The following SLC6A3 variants were observed in gnomAD, a reference collection of about 807,000 sequenced individuals.
The protein encoded by SLC6A3 is sodium-dependent dopamine transporter.
A neutral mutation model predicts 70.4 loss-of-function variants in SLC6A3; 19 were observed. That is an observed-to-expected ratio of 0.27 (90% CI 0.19 to 0.40). The LOEUF (loss-of-function observed/expected upper bound fraction) is 0.40. Ranked by LOEUF, SLC6A3 falls within the 10% of genes least tolerant of loss-of-function variation. The pLI is 1.00. For missense variants in SLC6A3, 613 were observed against 838.5 expected (o/e 0.73, Z 3.32); for synonymous variants, 368 against 356.6 (o/e 1.03, Z -0.36).
chr5:1,405,856 C>T lies in SLC6A3; in HGVS notation c.1599+332G>A, dbSNP rs1755966048. Among the ~76,000 whole-genome samples, 1 of 152,148 alleles carries T rather than the reference C, an allele frequency of 6.6e-6. No individual in the cohort carries two copies. Among genetic ancestry groups the T allele is most frequent in the Non-Finnish European group, 1.5e-5 (1 of 68,032 alleles). ...CGGAAGCTCTAACTTCGACCTTGAT[C>T]CTCACAGGCAGAGGTGAGTGGACAG... is the stretch of plus-strand genomic sequence containing the variant. On this transcript the variant is annotated intron_variant, in intron 12 of 14. Coordinates refer to ENST00000270349, the MANE Select transcript of SLC6A3 (RefSeq NM_001044.5). This position sits in a 1 kb window ranked among gnomAD's most constrained non-coding sequence, Gnocchi z 5.3.
rs755950041 is a variant in SLC6A3, at chr5:1,406,694, C to T, written c.1499-406G>A. Among the ~76,000 whole-genome samples, 3 of 149,804 alleles carry T rather than the reference C, an allele frequency of 2.0e-5. No homozygotes were observed. The highest frequency in any genetic ancestry group is 3.0e-5 in the Non-Finnish European group (2 of 66,328). On this transcript the variant is annotated intron_variant, in intron 11 of 14. Transcript: ENST00000270349. This position sits in a 1 kb window ranked among gnomAD's most constrained non-coding sequence, Gnocchi z 8.8. The stretch of plus-strand genomic sequence containing the variant: ...TTTAGCCATTTTTACGTGTAGAGTT[C>T]ATAATGTATCAATACATTCACATAC...
Position 1,404,195 on chromosome 5 carries a change from T to C in SLC6A3, c.1600-1106A>G, listed in dbSNP as rs1755916475. On this transcript the variant is annotated intron_variant, in intron 12 of 14. Coordinates refer to ENST00000270349, the MANE Select transcript of SLC6A3 (RefSeq NM_001044.5). The surrounding 1 kb of genome is among the most constrained non-coding windows in gnomAD (Gnocchi z 5.2). The stretch of plus-strand genomic sequence containing the variant: ...TTCATGCGCTACTTCGGGCCACTTG[T>C]AGGTTTGGAGCCGGCTAGCGGAGGA... Among the ~76,000 whole-genome samples, 1 of 152,178 alleles carries C rather than the reference T, an allele frequency of 6.6e-6. No individual in the cohort carries two copies. The highest frequency in any genetic ancestry group is 2.4e-5 in the African/African-American group (1 of 41,440).
In SLC6A3 at chr5:1,441,432, G is replaced by A. The variant is rs776700044; in HGVS notation, c.345C>T (p.Tyr115=). ...TGAACTGGCCGAGGGCCAGCTCCAT[G>A]TAGAAAAGTGGCATCCCAGCAATGA... is the stretch of plus-strand genomic sequence containing the variant. ...FMVIAGMPLF[Y]MELALGQFNR... Residue 115 remains tyrosine (Y), a synonymous_variant, in exon 3 of 15, where the codon TAC becomes TAT. Transcript: ENST00000270349. 2.5e-6 allele frequency: 4 copies of A among 1,614,128 alleles called. No homozygotes were observed. The East Asian group carries it at 8.9e-5, about 36-fold the overall frequency.
chr5:1,396,189 C>T lies in SLC6A3; in HGVS notation c.1840-1431G>A, dbSNP rs773140631. On this transcript the variant is annotated intron_variant, in intron 14 of 14. Transcript: ENST00000270349. This position sits in a 1 kb window ranked among gnomAD's most constrained non-coding sequence, Gnocchi z 7.0. Reference sequence around the variant, plus strand: ...GCAGTGGAATGCGGAGCGTCCATAGCTGAGCTGTGGTTTGTTCACGTGACG... The same window carrying T: ...GCAGTGGAATGCGGAGCGTCCATAGTTGAGCTGTGGTTTGTTCACGTGACG... 1.3e-5 allele frequency among the ~76,000 whole-genome samples: 2 copies of T among 152,236 alleles called. No homozygotes were observed. Among genetic ancestry groups the T allele is most frequent in the Admixed American group, 1.3e-4 (2 of 15,290 alleles).
At chr5:1,407,997 C>T (rs1042330562) in intron 11 of SLC6A3, among the ~76,000 whole-genome samples, 3 of 136,790 alleles carry the variant, frequency 2.2e-5, no homozygotes, top group African/African-American at 9.4e-5. Flanking sequence ...GCCGGATCCA[C>T]ACATTTTTTT....
Position 1,393,631 on chromosome 5 carries a change from T to C in SLC6A3, c.*1104A>G, listed in dbSNP as rs1233683161. 2.1e-5 allele frequency: 3 copies of C among 145,204 alleles called. No individual in the cohort carries two copies. The highest frequency in any genetic ancestry group is 3.1e-5 in the Non-Finnish European group (2 of 65,482). 9.0% of individuals were successfully genotyped at this position (145,204 alleles called of 1,614,324 possible). A position where few individuals can be genotyped will look rare whatever the true frequency, so the allele number is the denominator to read the frequency against. ...GTAGTACACGCTCCTGTGGGGGCCC[T>C]GCATGCATCCTGGGGTAGTACACGC... On this transcript the variant is annotated 3_prime_UTR_variant, in exon 15 of 15. Transcript: ENST00000270349.
In SLC6A3 at chr5:1,411,536, G is replaced by A. The variant is rs977902551; in HGVS notation, c.1157-181C>T. On this transcript the variant is annotated intron_variant, in intron 8 of 14. Coordinates refer to ENST00000270349, the MANE Select transcript of SLC6A3 (RefSeq NM_001044.5). The surrounding 1 kb of genome is among the most constrained non-coding windows in gnomAD (Gnocchi z 6.5). Reference sequence around the variant, plus strand: ...GACCAGGCCTGGGACTCAGGAAAGCGGAAACCCAGAACTGATCAGAGGGCT... The same window carrying A: ...GACCAGGCCTGGGACTCAGGAAAGCAGAAACCCAGAACTGATCAGAGGGCT... Among the ~76,000 whole-genome samples the A allele has an allele frequency of 2.6e-5, 4 of 152,178 alleles. No individual in the cohort carries two copies. Among genetic ancestry groups the A allele is most frequent in the African/African-American group, 9.7e-5 (4 of 41,430 alleles).
intron 6 of SLC6A3, among the ~76,000 whole-genome samples, chr5:1,416,734 G>GGACT (rs1756304000): frequency 6.7e-6 from 1 of 148,858 alleles, no homozygotes; most frequent in African/African-American, 2.5e-5. Flanking sequence ...GGAACAGCAC[G>GGACT]GACTCATCCA....
At chr5:1,444,152 G>C (rs1410418024) in intron 1 of SLC6A3, among the ~76,000 whole-genome samples, 1 of 152,228 alleles carries the variant, frequency 6.6e-6, no homozygotes. Context: ...CCCCGCGTGA[G>C]AGAGCTGGGC....
intron 4 of SLC6A3, among the ~76,000 whole-genome samples, chr5:1,424,978 G>C (rs916601870): frequency 6.6e-6 from 1 of 152,240 alleles, no homozygotes; most frequent in Non-Finnish European, 1.5e-5. Context: ...ATGCTTCTGA[G>C]GGCAGGGCAG....
At position 1,413,844 on chromosome 5, in the gene SLC6A3, C is replaced by T. The variant is rs1050487582; in HGVS notation, c.1156+847G>A. On this transcript the variant is annotated intron_variant, in intron 8 of 14. Coordinates refer to ENST00000270349, the MANE Select transcript of SLC6A3 (RefSeq NM_001044.5). This position sits in a 1 kb window ranked among gnomAD's most constrained non-coding sequence, Gnocchi z 7.1. ...AGCTTTCCACTGCAAGCACCGGAGCCAGGCACGTGGCCCCAAGTGCCTGGG... is the reference window on the plus strand; with the variant it reads ...AGCTTTCCACTGCAAGCACCGGAGCTAGGCACGTGGCCCCAAGTGCCTGGG... Among the ~76,000 whole-genome samples, 5 of 152,198 alleles carry T rather than the reference C, an allele frequency of 3.3e-5. No homozygotes were observed. Among genetic ancestry groups the T allele is most frequent in the Non-Finnish European group, 7.3e-5 (5 of 68,034 alleles).
chr5:1,415,991 G>A (rs1756281189), intron 7 of SLC6A3, 107 bp downstream of exon 7: 1 of 847,408 alleles, frequency 1.2e-6, no homozygotes, highest in Non-Finnish European at 2.0e-6. Context: ...AGGTTTGCGG[G>A]TTCAGTGGAT....
At chr5:1,432,025 C>G (rs575013875) in intron 4 of SLC6A3, among the ~76,000 whole-genome samples, 1 of 152,110 alleles carries the variant, frequency 6.6e-6, no homozygotes, top group Admixed American at 6.5e-5. Context: ...GGGCAAGGGC[C>G]GGAGTGAGGC....
chr5:1,432,426 C>T (rs1410043130), intron 4 of SLC6A3, 38 bp downstream of exon 4: 1 of 1,514,116 alleles, frequency 6.6e-7, no homozygotes, highest in Admixed American at 1.7e-5. Flanking sequence ...CCTGGCTGCG[C>T]CATCTCTCCC....
rs1756436870 is a variant in SLC6A3, at chr5:1,421,591, C to G, written c.792+285G>C. 6.6e-6 allele frequency among the ~76,000 whole-genome samples: 1 copy of G among 152,136 alleles called. No individual in the cohort carries two copies. Among genetic ancestry groups the G allele is most frequent in the South Asian group, 2.1e-4 (1 of 4,824 alleles). Reference sequence around the variant, plus strand: ...TGTGTCCGCCCAGCCCAGCCACGGCCACGTGTCCCCCCACCCACCCATGGC... The same window carrying G: ...TGTGTCCGCCCAGCCCAGCCACGGCGACGTGTCCCCCCACCCACCCATGGC... On this transcript the variant is annotated intron_variant, in intron 5 of 14. Coordinates refer to ENST00000270349, the MANE Select transcript of SLC6A3 (RefSeq NM_001044.5). This position sits in a 1 kb window ranked among gnomAD's most constrained non-coding sequence, Gnocchi z 7.2.
chr5:1,409,452 G>A (rs995040705), intron 10 of SLC6A3, among the ~76,000 whole-genome samples: 1 of 152,044 alleles, frequency 6.6e-6, no homozygotes, highest in Non-Finnish European at 1.5e-5. Context: ...CACCCCCAGC[G>A]TCCCCCAGTC....
rs1000221728 is a variant in SLC6A3, at chr5:1,405,749, G to A, written c.1599+439C>T. ...ACACAGTGATGCTGCTGAGCCAGAG[G>A]GAGGCTTGCGTGAGCAACGGGACAG... On this transcript the variant is annotated intron_variant, in intron 12 of 14. Coordinates refer to ENST00000270349, the MANE Select transcript of SLC6A3 (RefSeq NM_001044.5). The surrounding 1 kb of genome is among the most constrained non-coding windows in gnomAD (Gnocchi z 5.3). Among the ~76,000 whole-genome samples, 7 of 152,272 alleles carry A rather than the reference G, an allele frequency of 4.6e-5. No individual in the cohort carries two copies. The highest frequency in any genetic ancestry group is 2.6e-4 in the Admixed American group (4 of 15,294).
chr5:1,416,099 T>C lies in SLC6A3; in HGVS notation c.1030A>G (p.Arg344Gly). The change falls in exon 7 of 15, where the codon AGG (arginine) becomes GGG (glycine). Residue 344 changes from arginine to glycine, a missense_variant and splice_region_variant. This residue lies in a region of SLC6A3 where 348 missense variants were observed against 481.2 expected (regional missense o/e 0.72). Coordinates refer to ENST00000270349, the MANE Select transcript of SLC6A3 (RefSeq NM_001044.5). ...TGCCTGGCCCTGCTAGGGGCTCACC[T>C]GTAGCAGTTGTTGGTGAACTTGTTG... ...SYNKFTNNCY[R>G]DAIVTTSINS... 1.2e-6 allele frequency: 2 copies of C among 1,611,714 alleles called. No homozygotes were observed. The highest frequency in any genetic ancestry group is 1.7e-6 in the Non-Finnish European group (2 of 1,177,858).
chr5:1,443,160 G>T lies in SLC6A3; in HGVS notation c.38C>A (p.Ser13Tyr), dbSNP rs1488651701. ...KSKCSVGLMSSVVAPAKEPNA... is the reference protein window; with the variant it reads ...KSKCSVGLMSYVVAPAKEPNA... The stretch of plus-strand genomic sequence containing the variant: ...GGGCTCCTTAGCCGGGGCCACCACG[G>T]AAGACATGAGTCCCACGGAGCATTT... The change falls in exon 2 of 15, where the codon TCC (serine) becomes TAC (tyrosine). Residue 13 changes from serine (S) to tyrosine (Y), a missense_variant. Coordinates refer to ENST00000270349, the MANE Select transcript of SLC6A3 (RefSeq NM_001044.5). 6.2e-7 allele frequency: 1 copy of T among 1,614,134 alleles called. No individual in the cohort carries two copies. The highest frequency in any genetic ancestry group is 1.3e-5 in the African/African-American group (1 of 74,944).
Sources: allele counts gnomAD v4.1 joint callset (sites outside exome capture counted in the v4.1 genomes callset), GRCh38; gene constraint gnomAD v4.1.1; regional missense constraint gnomAD v4.1.1; non-coding constraint Gnocchi (gnomAD v3.1); transcripts MANE v1.5; gene names NCBI Gene and HGNC (gene_info 2026-07-23, HGNC 2026-07-21).